The following CAP2 variants were observed in gnomAD, a reference collection of about 807,000 sequenced individuals.
CAP2 encodes cyclase associated actin cytoskeleton regulatory protein 2.
A neutral mutation model predicts 57.7 loss-of-function variants in CAP2; 24 were observed. The observed-to-expected ratio is 0.42, with a 90% CI of 0.30 to 0.58. CAP2 has a LOEUF of 0.58. CAP2 is among the 20% of genes least tolerant of loss of function. The probability of loss-of-function intolerance (pLI) is 0.22; values close to 1 mark genes in which losing one functional copy is unlikely to be tolerated. For synonymous variants in CAP2, 194 were observed against 207.2 expected (o/e 0.94, Z 0.55); for missense variants, 501 against 590.3 (o/e 0.85, Z 1.57).
At chr6:17,491,589 G>A (rs930523384) in intron 4 of CAP2, among the ~76,000 whole-genome samples, 1 of 152,158 alleles carries the variant, frequency 6.6e-6, no homozygotes, top group Non-Finnish European at 1.5e-5. Context: ...GCTCAGACTA[G>A]TGTGAACGAT....
intron 7 of CAP2, 54 bp downstream of exon 7, chr6:17,514,008 C>T (rs1762214386): frequency 1.9e-6 from 2 of 1,033,310 alleles, no homozygotes; most frequent in East Asian, 2.4e-5. Flanking sequence ...ACTATATATA[C>T]ACCCTGTGGC....
At chr6:17,525,143 T>A (rs190192387) in intron 7 of CAP2, among the ~76,000 whole-genome samples, 1 of 152,110 alleles carries the variant, frequency 6.6e-6, no homozygotes, top group Non-Finnish European at 1.5e-5. Flanking sequence ...CCTCAGGTGA[T>A]CCTCCCGCCT....
intron 4 of CAP2, among the ~76,000 whole-genome samples, chr6:17,478,143 T>A (rs929760368): frequency 1.3e-5 from 2 of 151,196 alleles, no homozygotes; most frequent in Non-Finnish European, 2.9e-5. Context: ...CTCGGTTGCT[T>A]TTTTTCCTTG....
intron 6 of CAP2, among the ~76,000 whole-genome samples, 154 bp downstream of exon 6, chr6:17,507,880 T>G (rs539035836): frequency 6.6e-6 from 1 of 152,320 alleles, no homozygotes; most frequent in East Asian, 1.9e-4. Flanking sequence ...GCAGATAAAG[T>G]CAAGTGGAAA....
intron 11 of CAP2, among the ~76,000 whole-genome samples, chr6:17,547,442 C>T (rs914763175): frequency 2.0e-5 from 3 of 151,910 alleles, no homozygotes; most frequent in African/African-American, 4.8e-5. Flanking sequence ...CATTAAAATT[C>T]TGCAGCAATG....
At chr6:17,542,373 G>A (rs763453917) in intron 9 of CAP2, among the ~76,000 whole-genome samples, 2 of 152,160 alleles carry the variant, frequency 1.3e-5, no homozygotes, top group Non-Finnish European at 2.9e-5. Flanking sequence ...GAAAGCTGGT[G>A]TCTCCTGCTG....
At chr6:17,468,729 G>A (rs1760937058) in intron 4 of CAP2, among the ~76,000 whole-genome samples, 1 of 152,154 alleles carries the variant, frequency 6.6e-6, no homozygotes, top group Admixed American at 6.5e-5. Context: ...TTCTCACATG[G>A]AAAATGGCCA....
intron 4 of CAP2, among the ~76,000 whole-genome samples, chr6:17,487,185 T>C (rs1761439508): frequency 6.6e-6 from 1 of 152,202 alleles, no homozygotes; most frequent in South Asian, 2.1e-4. Flanking sequence ...GTCCCTTACC[T>C]GCCTTTCGGA....
At chr6:17,547,155 T>A (rs1466840359) in intron 11 of CAP2, among the ~76,000 whole-genome samples, 1 of 152,200 alleles carries the variant, frequency 6.6e-6, no homozygotes, top group East Asian at 1.9e-4. Flanking sequence ...AGGAGAACTA[T>A]AAGCCACTGT....
Position 17,550,582 on chromosome 6 carries a change from C to T in CAP2, c.1210-882C>T, listed in dbSNP as rs114347512. Among the ~76,000 whole-genome samples, 1,119 of 151,728 alleles carry T rather than the reference C, an allele frequency of 7.4e-3. 19 individuals carry two copies. The highest frequency in any genetic ancestry group is 0.026 in the African/African-American group (1,063 of 41,374). On this transcript the variant is annotated intron_variant, in intron 11 of 12. Transcript: ENST00000229922. ...GGTTTGCAATCCAGCCTTTTCTCCA[C>T]GGTGAAAGAAGAGATGTCTTTATCG... is the stretch of plus-strand genomic sequence containing the variant.
intron 4 of CAP2, among the ~76,000 whole-genome samples, chr6:17,482,829 G>T (rs1258678973): frequency 6.6e-6 from 1 of 152,154 alleles, no homozygotes; most frequent in Non-Finnish European, 1.5e-5. Flanking sequence ...TCCAAATAAG[G>T]TCACATTCTG....
intron 8 of CAP2, among the ~76,000 whole-genome samples, chr6:17,540,711 G>T (rs541725351): frequency 6.6e-6 from 1 of 151,912 alleles, no homozygotes; most frequent in Non-Finnish European, 1.5e-5. Context: ...CCGAGATCAC[G>T]CCACTGCACT....
At chr6:17,455,593 T>C (rs1760539648) in intron 3 of CAP2, among the ~76,000 whole-genome samples, 1 of 151,812 alleles carries the variant, frequency 6.6e-6, no homozygotes, top group East Asian at 1.9e-4. Context: ...TGGAGTGCAG[T>C]GGTGCAATCT....
At chr6:17,500,831 A>G (rs1427753178) in intron 4 of CAP2, among the ~76,000 whole-genome samples, 1 of 152,178 alleles carries the variant, frequency 6.6e-6, no homozygotes, top group African/African-American at 2.4e-5. Flanking sequence ...CTTTCCATAC[A>G]TTTTCTGTGC....
At chr6:17,437,390 AAATTGCC>A (rs1466268491) in intron 3 of CAP2, among the ~76,000 whole-genome samples, 1 of 152,108 alleles carries the variant, frequency 6.6e-6, no homozygotes, top group East Asian at 1.9e-4. Flanking sequence ...GATCTGTTGT[AAATTGCC>A]TTCCATGGGG....
At chr6:17,461,892 C>G (rs1269123138) in intron 3 of CAP2, among the ~76,000 whole-genome samples, 3 of 144,928 alleles carry the variant, frequency 2.1e-5, no homozygotes, top group Non-Finnish European at 4.5e-5. Context: ...ACTCGGGGGG[C>G]TGAGGCAGGA....
intron 4 of CAP2, among the ~76,000 whole-genome samples, chr6:17,476,529 G>T (rs1289913224): frequency 6.6e-6 from 1 of 152,120 alleles, no homozygotes; most frequent in Non-Finnish European, 1.5e-5. Flanking sequence ...CTAATACCAC[G>T]CTTGAGATTG....
intron 3 of CAP2, among the ~76,000 whole-genome samples, chr6:17,461,188 CAAAA>C (rs571318175): frequency 7.0e-6 from 1 of 142,284 alleles, no homozygotes; most frequent in African/African-American, 2.5e-5. Flanking sequence ...AACAAAACAA[CAAAA>C]AAAAAAACCC....
intron 1 of CAP2, among the ~76,000 whole-genome samples, chr6:17,395,296 T>C (rs1361983602): frequency 6.6e-6 from 1 of 152,224 alleles, no homozygotes; most frequent in Non-Finnish European, 1.5e-5. Flanking sequence ...TCCACAGTTA[T>C]AGTTTGAAAG....
Sources: gnomAD v4.1 joint callset for allele counts (sites outside exome capture counted in the v4.1 genomes callset) on GRCh38, gnomAD v4.1.1 for gene constraint, MANE v1.5 for transcripts, NCBI Gene and HGNC (gene_info 2026-07-23, HGNC 2026-07-21) for gene names.